Variants in SERPINB5 observed in about 807,000 individuals in gnomAD.
The protein encoded by SERPINB5 is serpin B5.
A neutral mutation model predicts 32.2 loss-of-function variants in SERPINB5; 27 were observed. That is an observed-to-expected ratio of 0.84 (90% CI 0.62 to 1.16). The LOEUF is 1.16. Among genes scored for constraint, SERPINB5 ranks in the 50% most tolerant of loss-of-function variants. The probability of loss-of-function intolerance (pLI) is 0.00; values close to 1 mark genes in which losing one functional copy is unlikely to be tolerated. For synonymous variants in SERPINB5, 154 were observed against 157.4 expected (o/e 0.98, Z 0.16); for missense variants, 388 against 436.3 (o/e 0.89, Z 0.99).
Position 63,499,232 on chromosome 18 carries a change from G to A in SERPINB5, c.680G>A (p.Ser227Asn), listed in dbSNP as rs756098560. Reference protein sequence around the residue: ...IELPFQNKHLSMFILLPKDVE... With the variant: ...IELPFQNKHLNMFILLPKDVE... ...CTTCCTTTTCAAAATAAGCATCTCA[G>A]CATGTTCATCCTACTACCCAAGGAT... The change falls in exon 6 of 7, where the codon AGC (serine) becomes AAC (asparagine). Residue 227 changes from serine (S) to asparagine (N), a missense_variant. By Grantham distance (46) the Ser-to-Asn change is conservative. Coordinates refer to ENST00000382771, the MANE Select transcript of SERPINB5 (RefSeq NM_002639.5). 3.7e-6 allele frequency: 6 copies of A among 1,600,710 alleles called. No individual in the cohort carries two copies. In the African/African-American group the frequency reaches 5.4e-5, roughly 14 times the overall value.
Position 63,504,341 on chromosome 18 carries a change from C to G in SERPINB5, c.*619C>G, listed in dbSNP as rs1177677109. The G allele has an allele frequency of 2.6e-5, 4 of 152,360 alleles. No homozygotes were observed. Among genetic ancestry groups the G allele is most frequent in the Non-Finnish European group, 5.9e-5 (4 of 68,214 alleles). 9.4% of individuals were successfully genotyped at this position (152,360 alleles called of 1,614,324 possible). A position where few individuals can be genotyped will look rare whatever the true frequency, so the allele number is the denominator to read the frequency against. On this transcript the variant is annotated 3_prime_UTR_variant, in exon 7 of 7. Coordinates refer to ENST00000382771, the MANE Select transcript of SERPINB5 (RefSeq NM_002639.5). ...TGTTATAGAACTTCATGGATCAGAT[C>G]TGGGGCAGCACCCTATAAATCAACA...
chr18:63,503,947 T>G lies in SERPINB5; in HGVS notation c.*225T>G, dbSNP rs1021274442. 2 of 525,792 alleles carry G rather than the reference T, an allele frequency of 3.8e-6. No homozygotes were observed. The highest frequency in any genetic ancestry group is 7.5e-5 in the Admixed American group (2 of 26,634). 32.6% of individuals were successfully genotyped at this position (525,792 alleles called of 1,614,324 possible). ...TCCCATAAGACAATGACATACGCTT[T>G]TAATGAAAAGGAATCACGTTAGAGG... On this transcript the variant is annotated 3_prime_UTR_variant, in exon 7 of 7. Transcript: ENST00000382771.
At chr18:63,477,251 C>T (rs1027850710) in intron 1 of SERPINB5, 4 of 152,226 alleles carry the variant, frequency 2.6e-5, no homozygotes, top group Middle Eastern at 6.8e-3. Context: ...CTTTGAGCAC[C>T]AGGAACACTG....
intron 6 of SERPINB5, among the ~76,000 whole-genome samples, chr18:63,501,489 T>C (rs1354626849): frequency 5.9e-5 from 9 of 152,220 alleles, no homozygotes; most frequent in Non-Finnish European, 1.2e-4. Context: ...TTGTGAATAG[T>C]GTTCCAATAA....
rs933547136 is a variant in SERPINB5 at position 63,504,654 on chromosome 18, G to A, written c.*932G>A. 7 of 152,256 alleles carry A rather than the reference G, an allele frequency of 4.6e-5. No individual in the cohort carries two copies. Among genetic ancestry groups the A allele is most frequent in the Admixed American group, 2.6e-4 (4 of 15,298 alleles). 9.4% of individuals were successfully genotyped at this position (152,256 alleles called of 1,614,324 possible). A position where few individuals can be genotyped will look rare whatever the true frequency, so the allele number is the denominator to read the frequency against. On this transcript the variant is annotated 3_prime_UTR_variant, in exon 7 of 7. Coordinates refer to ENST00000382771, the MANE Select transcript of SERPINB5 (RefSeq NM_002639.5). ...TTGGTTGGCACTAGACTGGTGGCAG[G>A]GGCTTCTAGCTGACTTGCACAGGGA...
At position 63,504,292 on chromosome 18, in the gene SERPINB5, A is replaced by G; in HGVS notation, c.*570A>G. ...ATTCTGAATTTTGGGGATTTTCAAA[A>G]GATAATATTTTACATACACTGTATG... On this transcript the variant is annotated 3_prime_UTR_variant, in exon 7 of 7. Transcript: ENST00000382771. 1 of 153,924 alleles carries G rather than the reference A, an allele frequency of 6.5e-6. No individual in the cohort carries two copies. Among genetic ancestry groups the G allele is most frequent in the Non-Finnish European group, 1.4e-5 (1 of 69,346 alleles). The allele number at this position is 153,924 out of a possible 1,614,324, so 9.5% of individuals were successfully genotyped here.
chr18:63,497,788 G>A (rs567619199), intron 5 of SERPINB5, among the ~76,000 whole-genome samples: 9 of 152,140 alleles, frequency 5.9e-5, no homozygotes, highest in Non-Finnish European at 1.3e-4. Flanking sequence ...CCACTGTCCT[G>A]TTCCTCTTTC....
chr18:63,480,758 G>A (rs1444482870), intron 1 of SERPINB5, among the ~76,000 whole-genome samples: 3 of 152,206 alleles, frequency 2.0e-5, no homozygotes, highest in Non-Finnish European at 4.4e-5. Context: ...CAGAGCCACT[G>A]ATCAGATTTA....
Position 63,499,177 on chromosome 18 carries a change from A to G in SERPINB5, c.625A>G (p.Ile209Val). 1.2e-6 allele frequency: 2 copies of G among 1,602,212 alleles called. No individual in the cohort carries two copies. The highest frequency in any genetic ancestry group is 1.3e-5 in the African/African-American group (1 of 74,626). ...GGAGGCCACGTTCTGTATGGGAAACATTGACAGTATCAATTGTAAGATCAT... is the reference window on the plus strand; with the variant it reads ...GGAGGCCACGTTCTGTATGGGAAACGTTGACAGTATCAATTGTAAGATCAT... ...NMEATFCMGNIDSINCKIIEL... is the reference protein window; with the variant it reads ...NMEATFCMGNVDSINCKIIEL... Residue 209 changes from isoleucine (I) to valine (V), a missense_variant, in exon 6 of 7, where the codon ATT becomes GTT. Coordinates refer to ENST00000382771, the MANE Select transcript of SERPINB5 (RefSeq NM_002639.5).
chr18:63,491,305 G>A (rs1408583453), intron 4 of SERPINB5, among the ~76,000 whole-genome samples: 1 of 150,090 alleles, frequency 6.7e-6, no homozygotes, highest in Non-Finnish European at 1.5e-5. Flanking sequence ...GGGAGGCTGA[G>A]GCAGGATAAT....
chr18:63,491,802 G>T (rs568440777), intron 4 of SERPINB5, among the ~76,000 whole-genome samples: 18 of 152,214 alleles, frequency 1.2e-4, no homozygotes, highest in African/African-American at 4.3e-4. Context: ...TTTGAAATGG[G>T]AGGCTCAGGG....
At chr18:63,502,326 G>T (rs976427683) in intron 6 of SERPINB5, among the ~76,000 whole-genome samples, 1 of 151,734 alleles carries the variant, frequency 6.6e-6, no homozygotes, top group Admixed American at 6.6e-5. Context: ...TAGTAGAGAC[G>T]GGCTTTCACT....
At position 63,489,484 on chromosome 18, in the gene SERPINB5, TCTG is replaced by T. The variant is rs768200330; in HGVS notation, c.424+23_424+25del. 7 of 1,402,326 alleles carry T rather than the reference TCTG, an allele frequency of 5.0e-6. No homozygotes were observed. The highest frequency in any genetic ancestry group is 5.0e-6 in the Non-Finnish European group (5 of 993,890). The allele number at this position is 1,402,326 out of a possible 1,614,324, so 86.9% of individuals were successfully genotyped here. ...CAGATGGCAAGTACCCTTTAATTGT[TCTG>T]CTATCAATCACCAAGTAAACAGGGC... On this transcript the variant is annotated intron_variant, in intron 4 of 6. Coordinates refer to ENST00000382771, the MANE Select transcript of SERPINB5 (RefSeq NM_002639.5).
intron 5 of SERPINB5, chr18:63,493,585 G>A (rs982488714): frequency 1.3e-4 from 23 of 183,960 alleles, no homozygotes; most frequent in African/African-American, 5.0e-4. Flanking sequence ...ATGGCTGGGC[G>A]TGGTGGCTCA....
At chr18:63,487,917 T>G (rs1917240197) in intron 3 of SERPINB5, among the ~76,000 whole-genome samples, 1 of 152,128 alleles carries the variant, frequency 6.6e-6, no homozygotes, top group Non-Finnish European at 1.5e-5. Flanking sequence ...GTGGTTAAGA[T>G]CTTTTGAGGA....
Position 63,497,169 on chromosome 18 carries a change from C to T in SERPINB5, c.568-1951C>T, listed in dbSNP as rs368330373. ...CAGGAGTTCTAGACCAGGTTGTCTC[C>T]TGGGACATTGACACCGCAGCCAAGT... On this transcript the variant is annotated intron_variant, in intron 5 of 6. Transcript: ENST00000382771. The T allele has an allele frequency of 2.4e-3, 1,586 of 661,064 alleles. 18 individuals are homozygous for T. Among genetic ancestry groups the T allele is most frequent in the Middle Eastern group, 0.012 (26 of 2,248 alleles). 40.9% of individuals were successfully genotyped at this position (661,064 alleles called of 1,614,324 possible).
chr18:63,484,739 A>AACTT, intron 2 of SERPINB5, 143 bp downstream of exon 2: 2 of 144,456 alleles, frequency 1.4e-5, no homozygotes, highest in African/African-American at 5.3e-5. Context: ...GACTCTCTTA[A>AACTT]TCTTTTTTTT....
intron 4 of SERPINB5, among the ~76,000 whole-genome samples, chr18:63,489,681 G>C (rs1361419163): frequency 6.6e-6 from 1 of 152,214 alleles, no homozygotes; most frequent in Non-Finnish European, 1.5e-5. Flanking sequence ...TGATGCTTCA[G>C]TGTTAGTTTA....
At chr18:63,487,207 C>A in intron 3 of SERPINB5, 124 bp downstream of exon 3, 1 of 930,000 alleles carries the variant, frequency 1.1e-6, no homozygotes. Context: ...TGATTTGAGG[C>A]TTTAAATAAA....
Sources: gnomAD v4.1 joint callset for allele counts (sites outside exome capture counted in the v4.1 genomes callset) on GRCh38, gnomAD v4.1.1 for gene constraint, MANE v1.5 for transcripts, NCBI Gene and HGNC (gene_info 2026-07-23, HGNC 2026-07-21) for gene names.